Variants in TCF20 observed in about 807,000 individuals in gnomAD.
TCF20 encodes transcription factor 20, also known as SPRE-binding protein.
TCF20 carries 3 observed loss-of-function variants against 148.6 expected under a neutral mutation model. The observed-to-expected ratio is 0.02, with a 90% CI of 0.01 to 0.05. The LOEUF (loss-of-function observed/expected upper bound fraction) is 0.05, where lower values mean the gene tolerates loss of function less well. Among genes scored for constraint, TCF20 ranks in the 10% least tolerant of loss-of-function variants. TCF20 has a pLI of 1.00. For synonymous variants in TCF20, 1,049 were observed against 909.5 expected (o/e 1.15, Z -2.76); for missense variants, 2,350 against 2,429.3 (o/e 0.97, Z 0.69).
intron 1 of TCF20, among the ~76,000 whole-genome samples, chr22:42,224,564 A>T (rs1922690686): frequency 7.4e-6 from 1 of 135,742 alleles, no homozygotes. Context: ...AAAAAAAAGC[A>T]CCATAAATGA....
intron 1 of TCF20, chr22:42,278,232 C>G (rs753380694): frequency 6.6e-6 from 1 of 152,176 alleles, no homozygotes; most frequent in Non-Finnish European, 1.5e-5. Context: ...AAAGTGCTCT[C>G]AAGGTTACAA....
In TCF20 at chr22:42,214,062, A is replaced by C; in HGVS notation, c.1244T>G (p.Met415Arg). 1 of 1,614,180 alleles carries C rather than the reference A, an allele frequency of 6.2e-7. No homozygotes were observed. Among genetic ancestry groups the C allele is most frequent in the Non-Finnish European group, 8.5e-7 (1 of 1,180,030 alleles). The change falls in exon 2 of 6, where the codon ATG becomes AGG. Residue 415 changes from methionine (M) to arginine (R), a missense_variant. Around this residue, in one of 7 missense-constraint regions of TCF20, gnomAD observed 1,641 missense variants for 1,662.6 expected, o/e 0.99. Coordinates refer to ENST00000677622, the MANE Select transcript of TCF20 (RefSeq NM_001378418.1). ...TGATGGGGTTGGACTGAGTTGAGGCATTAACTGTAAAATTCTGTTTCTGGA... is the reference window on the plus strand; with the variant it reads ...TGATGGGGTTGGACTGAGTTGAGGCCTTAACTGTAAAATTCTGTTTCTGGA... ...MGSRNRILQL[M>R]PQLSPTPSMM... is the part of the protein sequence containing the mutation.
Position 42,317,171 on chromosome 22 carries a change from C to A in TCF20, c.-37+26308G>T, listed in dbSNP as rs558301943. On this transcript the variant is annotated intron_variant, in intron 1 of 1. Transcript: ENST00000515426. This position sits in a 1 kb window ranked among gnomAD's most constrained non-coding sequence, Gnocchi z 4.2. Reference sequence around the variant, plus strand: ...CACGTCTGACTCACCCCACCTTCCCCGCCCGCCCTCACTCGGCACACCCTC... The same window carrying A: ...CACGTCTGACTCACCCCACCTTCCCAGCCCGCCCTCACTCGGCACACCCTC... Among the ~76,000 whole-genome samples the A allele has an allele frequency of 6.6e-6, 1 of 152,202 alleles. No homozygotes were observed. The highest frequency in any genetic ancestry group is 2.4e-5 in the African/African-American group (1 of 41,442).
chr22:42,214,061 C>T lies in TCF20; in HGVS notation c.1245G>A (p.Met415Ile), dbSNP rs200731322. ...MGSRNRILQLMPQLSPTPSMM... is the reference protein window; with the variant it reads ...MGSRNRILQLIPQLSPTPSMM... ...TTGATGGGGTTGGACTGAGTTGAGG[C>T]ATTAACTGTAAAATTCTGTTTCTGG... Residue 415 changes from methionine (M) to isoleucine (I), a missense_variant, in exon 2 of 6, where the codon ATG becomes ATA. Around this residue, in one of 7 missense-constraint regions of TCF20, gnomAD observed 1,641 missense variants for 1,662.6 expected, o/e 0.99. Transcript: ENST00000677622. 6.2e-7 allele frequency: 1 copy of T among 1,614,162 alleles called. No individual in the cohort carries two copies. Among genetic ancestry groups the T allele is most frequent in the Non-Finnish European group, 8.5e-7 (1 of 1,180,032 alleles).
intron 1 of TCF20, among the ~76,000 whole-genome samples, chr22:42,227,601 T>C (rs550969916): frequency 1.4e-3 from 219 of 152,340 alleles, no homozygotes; most frequent in Non-Finnish European, 2.5e-3. Context: ...GTCCCAACAA[T>C]GTCTTTCCTT....
chr22:42,229,266 A>C (rs1197358437), intron 1 of TCF20, among the ~76,000 whole-genome samples: 1 of 152,208 alleles, frequency 6.6e-6, no homozygotes, highest in Non-Finnish European at 1.5e-5. Context: ...AGGTAAGCAC[A>C]CAGCTGTGGG....
chr22:42,192,385 C>A (rs770873916), intron 2 of TCF20, among the ~76,000 whole-genome samples: 3 of 152,156 alleles, frequency 2.0e-5, no homozygotes, highest in Non-Finnish European at 2.9e-5. Flanking sequence ...TTCCTACTTG[C>A]ATTCATATTA....
At chr22:42,194,673 AAG>A (rs578137480) in intron 2 of TCF20, among the ~76,000 whole-genome samples, 120 of 152,178 alleles carry the variant, frequency 7.9e-4, no homozygotes, top group African/African-American at 2.2e-3. Context: ...GCAGAGAACT[AAG>A]AGAGTGCTCT....
In TCF20 at chr22:42,299,130, C is replaced by T. The variant is rs564252662; in HGVS notation, c.-37+44349G>A. On this transcript the variant is annotated intron_variant, in intron 1 of 1. Coordinates refer to the TCF20 transcript ENST00000515426. This position sits in a 1 kb window ranked among gnomAD's most constrained non-coding sequence, Gnocchi z 4.1. ...GAACGGAGACCTGGAGGGGTACCCC[C>T]AAAAATCTGGACTTGGCCCTGCAGG... Among the ~76,000 whole-genome samples, 3 of 152,306 alleles carry T rather than the reference C, an allele frequency of 2.0e-5. No individual in the cohort carries two copies. The highest frequency in any genetic ancestry group is 7.2e-5 in the African/African-American group (3 of 41,558).
chr22:42,198,325 G>A (rs1432353280), intron 2 of TCF20, among the ~76,000 whole-genome samples: 1 of 152,210 alleles, frequency 6.6e-6, no homozygotes, highest in Non-Finnish European at 1.5e-5. Flanking sequence ...GAAAGGGTTG[G>A]TTTGAGGTCT....
chr22:42,297,359 C>A lies in TCF20; in HGVS notation c.-37+46120G>T, dbSNP rs921047306. 6.6e-6 allele frequency among the ~76,000 whole-genome samples: 1 copy of A among 152,222 alleles called. No individual in the cohort carries two copies. The highest frequency in any genetic ancestry group is 6.5e-5 in the Admixed American group (1 of 15,290). ...TTAAGGGTTGGTCATATTCATGGAG[C>A]GGCAAGAATGAGGAGTGGGTCCTCA... On this transcript the variant is annotated intron_variant, in intron 1 of 1. Transcript: ENST00000515426. The surrounding 1 kb of genome is among the most constrained non-coding windows in gnomAD (Gnocchi z 4.3).
At chr22:42,204,790 A>G (rs1475059217) in intron 2 of TCF20, among the ~76,000 whole-genome samples, 1 of 152,244 alleles carries the variant, frequency 6.6e-6, no homozygotes, top group Non-Finnish European at 1.5e-5. Context: ...GGTTGCAGTG[A>G]GCCAAGATTG....
intron 1 of TCF20, among the ~76,000 whole-genome samples, chr22:42,260,187 G>A (rs887823267): frequency 6.6e-6 from 1 of 152,108 alleles, no homozygotes; most frequent in Non-Finnish European, 1.5e-5. Flanking sequence ...AAGTGTAAAG[G>A]TCCTAAGGTA....
At position 42,211,422 on chromosome 22, in the gene TCF20, G is replaced by A. The variant is rs1343186263; in HGVS notation, c.3884C>T (p.Ala1295Val). ...LHSSKEGADKAFNSYAHLSHS... is the reference protein window; with the variant it reads ...LHSSKEGADKVFNSYAHLSHS... ...AGAAAGATGGGCATAGGAATTGAAT[G>A]CTTTATCAGCGCCTTCTTTTGATGA... Residue 1295 changes from alanine (A) to valine (V), a missense_variant, in exon 2 of 6, where the codon GCA becomes GTA. Coordinates refer to ENST00000677622, the MANE Select transcript of TCF20 (RefSeq NM_001378418.1). 1.2e-6 allele frequency: 2 copies of A among 1,614,046 alleles called. No homozygotes were observed. Among genetic ancestry groups the A allele is most frequent in the Non-Finnish European group, 1.7e-6 (2 of 1,180,044 alleles).
At chr22:42,167,347 T>A (rs1375465966) in intron 5 of TCF20, among the ~76,000 whole-genome samples, 1 of 152,082 alleles carries the variant, frequency 6.6e-6, no homozygotes, top group Non-Finnish European at 1.5e-5. Context: ...TTCCAGAAGG[T>A]GGTCAGGCAC....
chr22:42,229,669 C>T (rs982491975), intron 1 of TCF20, among the ~76,000 whole-genome samples: 21 of 152,312 alleles, frequency 1.4e-4, no homozygotes, highest in African/African-American at 5.1e-4. Flanking sequence ...CCACACAGAC[C>T]ATGCGCTCCG....
At position 42,160,880 on chromosome 22, in the gene TCF20, A is replaced by G. The variant is rs1331525654; in HGVS notation, c.*523T>C. The G allele has an allele frequency of 2.0e-5, 3 of 153,300 alleles. No homozygotes were observed. Among genetic ancestry groups the G allele is most frequent in the African/African-American group, 7.2e-5 (3 of 41,404 alleles). The allele number at this position is 153,300 out of a possible 1,614,324, so 9.5% of individuals were successfully genotyped here. The stretch of plus-strand genomic sequence containing the variant: ...GTGAGACAGGCTAAAGATCAACGCC[A>G]CACACACACCCCGTCCTTCATGAGA... On this transcript the variant is annotated 3_prime_UTR_variant, in exon 6 of 6. Transcript: ENST00000677622.
At chr22:42,325,546 G>A (rs1350563591) in intron 1 of TCF20, among the ~76,000 whole-genome samples, 1 of 152,212 alleles carries the variant, frequency 6.6e-6, no homozygotes, top group African/African-American at 2.4e-5. Context: ...CGGGGGGAGG[G>A]GAGGGCATGA....
intron 1 of TCF20, among the ~76,000 whole-genome samples, chr22:42,304,348 A>C (rs1477657343): frequency 1.3e-5 from 2 of 152,220 alleles, no homozygotes; most frequent in African/African-American, 2.4e-5. Context: ...GGTGGTGAGC[A>C]CAGGGAGGTG....
Sources: allele counts gnomAD v4.1 joint callset (sites outside exome capture counted in the v4.1 genomes callset), GRCh38; gene constraint gnomAD v4.1.1; regional missense constraint gnomAD v4.1.1; non-coding constraint Gnocchi (gnomAD v3.1); transcripts MANE v1.5; gene names NCBI Gene and HGNC (gene_info 2026-07-23, HGNC 2026-07-21).